Variants in CDH4 observed in about 807,000 individuals in gnomAD.
The protein encoded by CDH4 is cadherin 4.
CDH4 carries 33 observed loss-of-function variants against 86.0 expected under a neutral mutation model. That is an observed-to-expected ratio of 0.38 (90% CI 0.29 to 0.51). CDH4 has a LOEUF of 0.51. Ranked by LOEUF, CDH4 falls within the 20% of genes least tolerant of loss-of-function variation. CDH4 has a pLI of 0.86. For synonymous variants in CDH4, 555 were observed against 549.4 expected, an observed-to-expected ratio of 1.01 and a Z score of -0.14; for missense variants, 1,114 against 1,307.4, an observed-to-expected ratio of 0.85 and a Z score of 2.28.
At chr20:61,873,142 C>G (rs570574108) in intron 6 of CDH4, among the ~76,000 whole-genome samples, 94 of 152,336 alleles carry the variant, frequency 6.2e-4, no homozygotes, top group African/African-American at 2.1e-3. Context: ...GCCAGCGGCC[C>G]CCAGTCCCAG....
intron 2 of CDH4, among the ~76,000 whole-genome samples, chr20:61,642,346 G>A (rs541991524): frequency 6.6e-5 from 10 of 152,150 alleles, no homozygotes; most frequent in Non-Finnish European, 1.3e-4. Context: ...GGTGTGGAAT[G>A]GGGAACCAGC....
At chr20:61,656,142 T>C (rs2087184986) in intron 2 of CDH4, among the ~76,000 whole-genome samples, 2 of 152,122 alleles carry the variant, frequency 1.3e-5, no homozygotes, top group Admixed American at 1.3e-4. Context: ...CCGTGCTCTC[T>C]GACATGCTCT....
At chr20:61,650,861 G>A (rs563887953) in intron 2 of CDH4, among the ~76,000 whole-genome samples, 2 of 152,348 alleles carry the variant, frequency 1.3e-5, no homozygotes, top group Non-Finnish European at 2.9e-5. Flanking sequence ...GATATTAGCA[G>A]GGGGTTTAAT....
intron 2 of CDH4, among the ~76,000 whole-genome samples, chr20:61,275,082 G>GCA (rs2084220447): frequency 6.7e-5 from 8 of 118,676 alleles, no homozygotes; most frequent in South Asian, 5.9e-4. Flanking sequence ...AGTACCATGT[G>GCA]TAGTTTGGGG....
chr20:61,422,456 AAAAAAAAAAAAC>A lies in CDH4; in HGVS notation c.169+167520_169+167531del, dbSNP rs1568838420. Among the ~76,000 whole-genome samples, 88 of 65,612 alleles carry A rather than the reference AAAAAAAAAAAAC, an allele frequency of 1.3e-3. 6 individuals carry two copies. The highest frequency in any genetic ancestry group is 2.0e-3 in the Non-Finnish European group (67 of 33,226). 43.0% of individuals were successfully genotyped at this position (65,612 alleles called of 152,430 possible). ...AAAAAAAAAAAAAAAAAAAAAAAAA[AAAAAAAAAAAAC>A]CAAATCTCCCCAAGTGTCTTCTTTA... On this transcript the variant is annotated intron_variant, in intron 2 of 15. Transcript: ENST00000614565.
intron 2 of CDH4, chr20:61,499,567 C>T: frequency 8.1e-7 from 1 of 1,241,796 alleles, no homozygotes; most frequent in South Asian, 1.3e-5. Flanking sequence ...CCTGATGCTT[C>T]AGACAGTGTC....
At chr20:61,272,912 C>G (rs149676044) in intron 2 of CDH4, among the ~76,000 whole-genome samples, 1 of 72,982 alleles carries the variant, frequency 1.4e-5, no homozygotes, top group African/African-American at 5.6e-5. Flanking sequence ...GGGGGAGTAC[C>G]GTGTGCAGTT....
intron 2 of CDH4, among the ~76,000 whole-genome samples, chr20:61,658,168 T>C (rs1195924548): frequency 6.6e-6 from 1 of 152,058 alleles, no homozygotes; most frequent in Non-Finnish European, 1.5e-5. Flanking sequence ...CAGATCTCTC[T>C]ATTAGAGAGG....
intron 2 of CDH4, among the ~76,000 whole-genome samples, chr20:61,668,724 G>T (rs779436497): frequency 3.3e-5 from 5 of 152,254 alleles, no homozygotes; most frequent in Admixed American, 6.5e-5. Context: ...TTCAGAGAAG[G>T]TTGCACTGCA....
At chr20:61,465,560 G>A (rs2085467419) in intron 2 of CDH4, among the ~76,000 whole-genome samples, 1 of 152,168 alleles carries the variant, frequency 6.6e-6, no homozygotes, top group Non-Finnish European at 1.5e-5. Flanking sequence ...TGGATGTATT[G>A]ATTTTATGTA....
rs188750495 is a variant in CDH4, at chr20:61,373,446, A to G, written c.169+118509A>G. On this transcript the variant is annotated intron_variant, in intron 2 of 15. Transcript: ENST00000614565. Reference sequence around the variant, plus strand: ...CCCTTTTATTGTTCTAAAAACAGCAATGATATTCTTTGTTCTTTGAAGATA... The same window carrying G: ...CCCTTTTATTGTTCTAAAAACAGCAGTGATATTCTTTGTTCTTTGAAGATA... 1.3e-3 allele frequency among the ~76,000 whole-genome samples: 204 copies of G among 152,370 alleles called. 1 individual carries two copies. Among genetic ancestry groups the G allele is most frequent in the Non-Finnish European group, 2.3e-3 (159 of 68,038 alleles).
At chr20:61,670,804 T>G (rs1011415) in intron 2 of CDH4, among the ~76,000 whole-genome samples, 1 of 151,974 alleles carries the variant, frequency 6.6e-6, no homozygotes, top group East Asian at 1.9e-4. Context: ...ACTGTTCTCC[T>G]GTTGATACGG....
chr20:61,733,576 C>G (rs2088222281), intron 2 of CDH4, among the ~76,000 whole-genome samples: 1 of 152,048 alleles, frequency 6.6e-6, no homozygotes, highest in Admixed American at 6.5e-5. Flanking sequence ...ACACTACATG[C>G]CATGTGGGCT....
At chr20:61,647,118 G>A (rs985807350) in intron 2 of CDH4, among the ~76,000 whole-genome samples, 12 of 152,194 alleles carry the variant, frequency 7.9e-5, no homozygotes, top group Non-Finnish European at 1.6e-4. Context: ...CCATCCACAC[G>A]AATGTTTAGG....
intron 2 of CDH4, chr20:61,436,726 C>A (rs1176765407): frequency 6.6e-6 from 1 of 152,274 alleles, no homozygotes; most frequent in Non-Finnish European, 1.5e-5. Context: ...CCAACACCCC[C>A]CCACCCCCAT....
chr20:61,597,486 A>T (rs1420343363), intron 2 of CDH4, among the ~76,000 whole-genome samples: 1 of 152,170 alleles, frequency 6.6e-6, no homozygotes, highest in Non-Finnish European at 1.5e-5. Context: ...AGATTCCCCA[A>T]TACCCCAGCT....
At chr20:61,699,221 G>A (rs1025154555) in intron 2 of CDH4, among the ~76,000 whole-genome samples, 2 of 152,234 alleles carry the variant, frequency 1.3e-5, no homozygotes, top group Non-Finnish European at 2.9e-5. Flanking sequence ...CCTGTCCTTC[G>A]GTAAAGGTCA....
At chr20:61,310,808 C>T (rs1438325271) in intron 2 of CDH4, among the ~76,000 whole-genome samples, 1 of 152,158 alleles carries the variant, frequency 6.6e-6, no homozygotes, top group Non-Finnish European at 1.5e-5. Context: ...CCATGATTTT[C>T]CTTCTGCGTG....
chr20:61,862,898 A>G (rs946227838), intron 6 of CDH4, among the ~76,000 whole-genome samples: 26 of 152,202 alleles, frequency 1.7e-4, no homozygotes, highest in African/African-American at 6.3e-4. Flanking sequence ...TCTATACAGC[A>G]CCGAGTTTTT....
Sources: allele counts gnomAD v4.1 joint callset (sites outside exome capture counted in the v4.1 genomes callset), GRCh38; gene constraint gnomAD v4.1.1; transcripts MANE v1.5; gene names NCBI Gene and HGNC (gene_info 2026-07-23, HGNC 2026-07-21).